Variants in C3orf70 observed in about 807,000 individuals in gnomAD.
The protein encoded by C3orf70 is chromosome 3 open reading frame 70.
C3orf70 carries 15 observed loss-of-function variants against 20.7 expected under a neutral mutation model. The observed-to-expected ratio is 0.72, with a 90% confidence interval of 0.48 to 1.11. The LOEUF (loss-of-function observed/expected upper bound fraction) is 1.11. C3orf70 is among the 50% of genes most tolerant of loss of function. C3orf70 has a pLI of 0.00. For synonymous variants in C3orf70, 161 were observed against 125.7 expected (o/e 1.28, Z -1.88); for missense variants, 332 against 317.6 (o/e 1.05, Z -0.34).
chr3:185,103,568 G>A (rs73190974), intron 1 of C3orf70, among the ~76,000 whole-genome samples: 27,151 of 151,652 alleles, frequency 0.18, 2,823 homozygotes, highest in East Asian at 0.42. Flanking sequence ...AGTCATACAC[G>A]CAGCCAACAA....
At position 185,133,374 on chromosome 3, in the gene C3orf70, T is replaced by G. The variant is rs77595051; in HGVS notation, c.196+19254A>C. Among the ~76,000 whole-genome samples the G allele has an allele frequency of 9.5e-3, 1,444 of 152,366 alleles. 11 individuals are homozygous for G. The highest frequency in any genetic ancestry group is 0.016 in the Non-Finnish European group (1,098 of 68,036). On this transcript the variant is annotated intron_variant, in intron 1 of 1. Coordinates refer to ENST00000335012, the MANE Select transcript of C3orf70 (RefSeq NM_001025266.3). ...TCTTGACAACAGATGCACAAGTTAC[T>G]CAATGAAACATTATTTGTAAAAGTA...
chr3:185,094,609 T>C (rs922494298), intron 1 of C3orf70, among the ~76,000 whole-genome samples: 7 of 151,886 alleles, frequency 4.6e-5, no homozygotes, highest in African/African-American at 1.5e-4. Flanking sequence ...CTAATTCCAG[T>C]TGAGAGAGGC....
chr3:185,090,977 G>A (rs1208465150), intron 1 of C3orf70, among the ~76,000 whole-genome samples: 1 of 152,102 alleles, frequency 6.6e-6, no homozygotes, highest in East Asian at 1.9e-4. Context: ...CAAATCTAGT[G>A]AGACAGACCA....
intron 1 of C3orf70, among the ~76,000 whole-genome samples, chr3:185,117,422 C>T (rs1034262159): frequency 1.4e-5 from 1 of 69,864 alleles, no homozygotes; most frequent in Non-Finnish European, 2.4e-5. Context: ...CACACATACA[C>T]ACACACACAC....
In C3orf70 at chr3:185,124,792, T is replaced by C. The variant is rs953502134; in HGVS notation, c.196+27836A>G. On this transcript the variant is annotated intron_variant, in intron 1 of 1. Coordinates refer to ENST00000335012, the MANE Select transcript of C3orf70 (RefSeq NM_001025266.3). The stretch of plus-strand genomic sequence containing the variant: ...ACATATGTCTGACAAAGGTCTGATA[T>C]CCAGTATATAGAAAGAGTTAAAAAA... Among the ~76,000 whole-genome samples the C allele has an allele frequency of 3.9e-5, 6 of 152,160 alleles. No homozygotes were observed. In the South Asian group the frequency reaches 8.3e-4, roughly 21 times the overall value.
chr3:185,114,150 G>C (rs557417493), intron 1 of C3orf70, among the ~76,000 whole-genome samples: 2 of 152,112 alleles, frequency 1.3e-5, no homozygotes, highest in African/African-American at 4.8e-5. Context: ...GGTGAGCCGA[G>C]ATCACGCCAT....
At chr3:185,125,426 CAACAA>C (rs1716390159) in intron 1 of C3orf70, among the ~76,000 whole-genome samples, 1 of 130,476 alleles carries the variant, frequency 7.7e-6, no homozygotes, top group East Asian at 2.4e-4. Flanking sequence ...ACAACAACAA[CAACAA>C]AAACCAGTTT....
At chr3:185,091,892 C>A (rs1403091127) in intron 1 of C3orf70, among the ~76,000 whole-genome samples, 1 of 57,404 alleles carries the variant, frequency 1.7e-5, no homozygotes, top group Admixed American at 2.5e-4. Flanking sequence ...TATATATACA[C>A]ACATACACAC....
chr3:185,096,966 A>G (rs373324521), intron 1 of C3orf70, among the ~76,000 whole-genome samples: 1 of 152,118 alleles, frequency 6.6e-6, no homozygotes, highest in East Asian at 1.9e-4. Flanking sequence ...AGCCTTGGTG[A>G]AAGGACCTCC....
chr3:185,127,503 G>A (rs764538746), intron 1 of C3orf70, among the ~76,000 whole-genome samples: 12 of 152,056 alleles, frequency 7.9e-5, no homozygotes, highest in Non-Finnish European at 1.0e-4. Flanking sequence ...GCAGTGGCGC[G>A]ATCTCGGTTC....
At chr3:185,120,198 A>C (rs985653755) in intron 1 of C3orf70, among the ~76,000 whole-genome samples, 2 of 152,210 alleles carry the variant, frequency 1.3e-5, no homozygotes, top group Non-Finnish European at 2.9e-5. Context: ...ACAAGCATGT[A>C]AGACTATGTA....
chr3:185,096,958 C>A (rs915164365), intron 1 of C3orf70, among the ~76,000 whole-genome samples: 1 of 152,122 alleles, frequency 6.6e-6, no homozygotes. Context: ...GAACCCCCAG[C>A]CTTGGTGAAA....
chr3:185,087,770 A>G (rs1004408084), intron 1 of C3orf70, among the ~76,000 whole-genome samples: 2 of 152,158 alleles, frequency 1.3e-5, no homozygotes, highest in Non-Finnish European at 2.9e-5. Context: ...TGGACTTAAC[A>G]CCACTGAACT....
Position 185,077,298 on chromosome 3 carries a change from A to G in C3orf70, c.*5709T>C, listed in dbSNP as rs1715215149. On this transcript the variant is annotated 3_prime_UTR_variant, in exon 2 of 2. Transcript: ENST00000335012. ...ATGGAGTAATGCAGACAATGGGCCA[A>G]GAGTGCGGACTCTAGAGCCAAAGTG... Among the ~76,000 whole-genome samples the G allele has an allele frequency of 6.6e-6, 1 of 152,124 alleles. No individual in the cohort carries two copies. The highest frequency in any genetic ancestry group is 1.5e-5 in the Non-Finnish European group (1 of 68,030).
At chr3:185,152,580 G>T (rs764522927) in intron 1 of C3orf70, 48 bp downstream of exon 1, 13 of 1,486,688 alleles carry the variant, frequency 8.7e-6, no homozygotes, top group Non-Finnish European at 1.1e-5. Context: ...GGCCCGGCGG[G>T]CGTCCCCCGG....
chr3:185,136,649 G>C (rs189320758), intron 1 of C3orf70, among the ~76,000 whole-genome samples: 1 of 152,008 alleles, frequency 6.6e-6, no homozygotes, highest in Non-Finnish European at 1.5e-5. Flanking sequence ...GCGTGAACCC[G>C]GGAGGCGGAG....
At chr3:185,139,953 G>C (rs1354287180) in intron 1 of C3orf70, among the ~76,000 whole-genome samples, 1 of 152,130 alleles carries the variant, frequency 6.6e-6, no homozygotes, top group African/African-American at 2.4e-5. Context: ...ATCCATAAAA[G>C]GAAAAACTGA....
At position 185,083,141 on chromosome 3, in the gene C3orf70, T is replaced by C. The variant is rs1278687289; in HGVS notation, c.619A>G (p.Thr207Ala). 1 of 1,614,176 alleles carries C rather than the reference T, an allele frequency of 6.2e-7. No individual in the cohort carries two copies. Among genetic ancestry groups the C allele is most frequent in the Admixed American group, 1.7e-5 (1 of 60,014 alleles). The change falls in exon 2 of 2, where the codon ACA (threonine) becomes GCA (alanine). Residue 207 changes from threonine to alanine, a missense_variant. Thr to Ala is a moderately conservative substitution (Grantham distance 58). Transcript: ENST00000335012. The stretch of plus-strand genomic sequence containing the variant: ...GAACTCAGTTCTGCTCCTTCTTCTG[T>C]GTCCTCGTCACACGATTCCACATAG... ...AHYVESCDED[T>A]EEGAELSSEE...
chr3:185,142,712 CATCTTTATA>C (rs1427856432), intron 1 of C3orf70, among the ~76,000 whole-genome samples: 10 of 152,292 alleles, frequency 6.6e-5, no homozygotes, highest in Admixed American at 5.2e-4. Flanking sequence ...AAGCAAAAGG[CATCTTTATA>C]ATGGAAAGAT....
Sources: allele counts gnomAD v4.1 joint callset (sites outside exome capture counted in the v4.1 genomes callset), GRCh38; gene constraint gnomAD v4.1.1; transcripts MANE v1.5; gene names NCBI Gene and HGNC (gene_info 2026-07-23, HGNC 2026-07-21).